The following MTF1 variants were observed in gnomAD, a reference collection of about 807,000 sequenced individuals.
MTF1 encodes the protein metal regulatory transcription factor 1.
MTF1 carries 22 observed loss-of-function variants against 70.4 expected under a neutral mutation model. The ratio of observed to expected loss-of-function variants is 0.31; its 90% confidence interval spans 0.22 to 0.45. The LOEUF is 0.45. Among genes scored for constraint, MTF1 ranks in the 20% least tolerant of loss-of-function variants. The pLI is 1.00. For synonymous variants in MTF1, 333 were observed against 352.8 expected, an observed-to-expected ratio of 0.94 and a Z score of 0.63; for missense variants, 649 against 922.0, an observed-to-expected ratio of 0.70 and a Z score of 3.83.
In MTF1 at chr1:37,857,592, C is replaced by CG; in HGVS notation, c.66dup (p.Asp23ArgfsTer2). 1 of 1,614,130 alleles carries CG rather than the reference C, an allele frequency of 6.2e-7. No homozygotes were observed. Among genetic ancestry groups the CG allele is most frequent in the Admixed American group, 1.7e-5 (1 of 60,022 alleles). ...TCCACAAACCTGAGCATTTTATCAT[C>CG]GGGGGTCAGCTCATCTTCCTCTGCC... On this transcript the variant is annotated frameshift_variant, in exon 2 of 11. Coordinates refer to ENST00000373036, the MANE Select transcript of MTF1 (RefSeq NM_005955.3). LOFTEE classifies it high-confidence loss of function.
intron 1 of MTF1, among the ~76,000 whole-genome samples, chr1:37,859,215 A>G (rs1369482520): frequency 5.3e-5 from 8 of 152,218 alleles, no homozygotes; most frequent in Admixed American, 4.6e-4. Context: ...GTAGCCAACG[A>G]GGAGTGCGAA....
intron 7 of MTF1, among the ~76,000 whole-genome samples, chr1:37,830,642 A>G (rs1641072511): frequency 6.6e-6 from 1 of 152,176 alleles, no homozygotes; most frequent in Non-Finnish European, 1.5e-5. Flanking sequence ...GTGTTTACTA[A>G]TTTGGGATTG....
At chr1:37,839,615 C>G (rs1041195066) in intron 3 of MTF1, among the ~76,000 whole-genome samples, 3 of 152,106 alleles carry the variant, frequency 2.0e-5, no homozygotes, top group Admixed American at 2.0e-4. Context: ...GTACTCTATG[C>G]CAAGCACTGA....
In MTF1 at chr1:37,823,359, C is replaced by T. The variant is rs578100409; in HGVS notation, c.1171+351G>A. ...TCAGGAGGCTGAGGTGGGAGGATCA[C>T]TCAAGCCTGGAGGTGGAGGTTGCGG... On this transcript the variant is annotated intron_variant, in intron 8 of 10. Transcript: ENST00000373036. Among the ~76,000 whole-genome samples the T allele has an allele frequency of 1.5e-3, 229 of 152,088 alleles. 1 individual carries two copies. Among genetic ancestry groups the T allele is most frequent in the Non-Finnish European group, 2.5e-3 (167 of 68,006 alleles).
Position 37,815,022 on chromosome 1 carries a change from G to A in MTF1, c.*114C>T. 1 of 816,380 alleles carries A rather than the reference G, an allele frequency of 1.2e-6. No homozygotes were observed. Among genetic ancestry groups the A allele is most frequent in the East Asian group, 2.7e-5 (1 of 37,564 alleles). 50.6% of individuals were successfully genotyped at this position (816,380 alleles called of 1,614,324 possible). ...AAAGAAAATACGTCTGAAAGGTGAG[G>A]ATTTCAAACAGTAGATTTCTTCATC... On this transcript the variant is annotated 3_prime_UTR_variant, in exon 11 of 11. Transcript: ENST00000373036. This position sits in a 1 kb window ranked among gnomAD's most constrained non-coding sequence, Gnocchi z 4.5.
chr1:37,855,081 C>A (rs1446561657), intron 2 of MTF1, among the ~76,000 whole-genome samples: 3 of 151,866 alleles, frequency 2.0e-5, no homozygotes, highest in East Asian at 3.9e-4. Context: ...AAAAAAAGGA[C>A]CTTGGAAAAC....
intron 9 of MTF1, among the ~76,000 whole-genome samples, chr1:37,821,788 A>T (rs1640913806): frequency 1.3e-5 from 2 of 152,150 alleles, no homozygotes; most frequent in South Asian, 4.1e-4. Context: ...TGCCTTGAAA[A>T]CAACCTTTTT....
chr1:37,811,206 G>C lies in MTF1; in HGVS notation c.*3930C>G, dbSNP rs897945314. 2.6e-5 allele frequency: 4 copies of C among 152,696 alleles called. No homozygotes were observed. Among genetic ancestry groups the C allele is most frequent in the African/African-American group, 9.6e-5 (4 of 41,460 alleles). 9.5% of individuals were successfully genotyped at this position (152,696 alleles called of 1,614,324 possible). On this transcript the variant is annotated 3_prime_UTR_variant, in exon 11 of 11. Transcript: ENST00000373036. ...TGAAAAAGGGCCTCAACAGTCAGCA[G>C]AAAACAGGACCCACAGCAGTTCTTC...
At chr1:37,822,793 T>G in intron 8 of MTF1, 77 bp from the exon 9 acceptor site, 1 of 1,002,704 alleles carries the variant, frequency 1.0e-6, no homozygotes. Flanking sequence ...CATTATGGGC[T>G]AAACAAAACA....
At chr1:37,842,660 C>T (rs908387217) in intron 2 of MTF1, among the ~76,000 whole-genome samples, 1 of 152,216 alleles carries the variant, frequency 6.6e-6, no homozygotes, top group East Asian at 1.9e-4. Flanking sequence ...TATACTGATG[C>T]GGTAGAAGAA....
rs1640678230 is a variant in MTF1 at position 37,809,927 on chromosome 1, T to C, written c.*5209A>G. 1 of 152,434 alleles carries C rather than the reference T, an allele frequency of 6.6e-6. No homozygotes were observed. The highest frequency in any genetic ancestry group is 2.4e-5 in the African/African-American group (1 of 41,390). The allele number at this position is 152,434 out of a possible 1,614,324, so 9.4% of individuals were successfully genotyped here. A position where few individuals can be genotyped will look rare whatever the true frequency, so the allele number is the denominator to read the frequency against. ...GACCCCGGCCAATGATTAGTGTATG[T>C]CAAAAAAAAGGGCTCTTGGGGGCTC... is the stretch of plus-strand genomic sequence containing the variant. On this transcript the variant is annotated 3_prime_UTR_variant, in exon 11 of 11. Coordinates refer to ENST00000373036, the MANE Select transcript of MTF1 (RefSeq NM_005955.3).
chr1:37,832,860 G>T (rs1337390583), intron 6 of MTF1, among the ~76,000 whole-genome samples: 1 of 151,994 alleles, frequency 6.6e-6, no homozygotes, highest in African/African-American at 2.4e-5. Context: ...CAAAAAATTA[G>T]CTAGGCGCGG....
chr1:37,809,674 A>G lies in MTF1; in HGVS notation c.*5462T>C, dbSNP rs1640671640. 1 of 153,280 alleles carries G rather than the reference A, an allele frequency of 6.5e-6. No homozygotes were observed. The highest frequency in any genetic ancestry group is 1.5e-5 in the Non-Finnish European group (1 of 68,462). 9.5% of individuals were successfully genotyped at this position (153,280 alleles called of 1,614,324 possible). On this transcript the variant is annotated 3_prime_UTR_variant, in exon 11 of 11. Transcript: ENST00000373036. ...TTTTTAGCAGATATTTTAAAGTACA[A>G]TATTAAGTTTATACAAAATGAGCAA... is the stretch of plus-strand genomic sequence containing the variant.
In MTF1 at chr1:37,835,109, G is replaced by A. The variant is rs1235636421; in HGVS notation, c.960C>T (p.Tyr320=). ...ATCCATTGTGTTGTGGAAGTGCATT[G>A]TATGAGTGTCCTTTGTTATCATGAC... is the stretch of plus-strand genomic sequence containing the variant. ...MKGHDNKGHS[Y]NALPQHNGSE... The change falls in exon 6 of 11, where the codon TAC becomes TAT. Residue 320 remains tyrosine (Y), a synonymous_variant. Coordinates refer to ENST00000373036, the MANE Select transcript of MTF1 (RefSeq NM_005955.3). 1.2e-6 allele frequency: 2 copies of A among 1,614,166 alleles called. No individual in the cohort carries two copies. The highest frequency in any genetic ancestry group is 2.2e-5 in the East Asian group (1 of 44,886).
At chr1:37,838,797 C>CAT in intron 3 of MTF1, 41 bp from the exon 4 acceptor site, 3 of 473,684 alleles carry the variant, frequency 6.3e-6, no homozygotes, top group Non-Finnish European at 8.6e-6. Flanking sequence ...TCATAAAATT[C>CAT]TTTTTTTTTT....
intron 9 of MTF1, among the ~76,000 whole-genome samples, chr1:37,819,951 CAAAAAAAAAAAAAAAAAAAAA>C (rs766621404): frequency 6.0e-5 from 5 of 82,678 alleles, no homozygotes; most frequent in African/African-American, 5.8e-5. Context: ...GACTCTGACT[CAAAAAAAAAAAAAAAAAAAAA>C]AAAAAAAAAA....
chr1:37,818,197 G>A lies in MTF1; in HGVS notation c.1768-715C>T, dbSNP rs993564210. Among the ~76,000 whole-genome samples the A allele has an allele frequency of 5.3e-5, 8 of 152,196 alleles. No individual in the cohort carries two copies. The South Asian group carries it at 1.4e-3, about 28-fold the overall frequency. ...CCCAGTGTGGCAGTATTGAGAGGCT[G>A]GGTTTTTAAGAGGTGACTGGGTCAT... On this transcript the variant is annotated intron_variant, in intron 9 of 10. Coordinates refer to ENST00000373036, the MANE Select transcript of MTF1 (RefSeq NM_005955.3).
At chr1:37,822,052 A>C in intron 9 of MTF1, 69 bp downstream of exon 9, 1 of 1,287,358 alleles carries the variant, frequency 7.8e-7, no homozygotes, top group Non-Finnish European at 1.1e-6. Flanking sequence ...TTTGAAGTAA[A>C]AGCTTCTGAA....
At chr1:37,816,296 G>A (rs1287935381) in intron 10 of MTF1, among the ~76,000 whole-genome samples, 1 of 152,178 alleles carries the variant, frequency 6.6e-6, no homozygotes, top group Non-Finnish European at 1.5e-5. Context: ...TGTACTTTGG[G>A]AGACTGAGAA....
Sources: gnomAD v4.1 joint callset for allele counts (sites outside exome capture counted in the v4.1 genomes callset) on GRCh38, gnomAD v4.1.1 for gene constraint, Gnocchi (gnomAD v3.1) non-coding constraint, MANE v1.5 for transcripts, NCBI Gene and HGNC (gene_info 2026-07-23, HGNC 2026-07-21) for gene names.